The following ZMYND11 variants were observed in gnomAD, a reference collection of about 807,000 sequenced individuals.
ZMYND11 encodes the protein zinc finger MYND-type containing 11.
A neutral mutation model predicts 84.9 loss-of-function variants in ZMYND11; 9 were observed. The observed-to-expected ratio is 0.11, with a 90% CI of 0.06 to 0.18. The LOEUF is 0.18. ZMYND11 is among the 10% of genes least tolerant of loss of function. The probability of loss-of-function intolerance (pLI) is 1.00; values close to 1 mark genes in which losing one functional copy is unlikely to be tolerated. For missense variants in ZMYND11, 409 were observed against 761.0 expected (o/e 0.54, Z 5.44); for synonymous variants, 250 against 244.1 (o/e 1.02, Z -0.23).
At chr10:141,113 A>G (rs1554753866) in intron 1 of ZMYND11, among the ~76,000 whole-genome samples, 1 of 152,208 alleles carries the variant, frequency 6.6e-6, no homozygotes, top group East Asian at 1.9e-4. Context: ...CTGTAAACTT[A>G]ATATTTAGGT....
At chr10:158,053 C>T (rs1242793676) in intron 1 of ZMYND11, among the ~76,000 whole-genome samples, 3 of 152,236 alleles carry the variant, frequency 2.0e-5, no homozygotes, top group Admixed American at 6.5e-5. Context: ...TTCCTTTTTC[C>T]GGCCAAATAA....
chr10:203,011 A>G (rs1943506552), intron 2 of ZMYND11, among the ~76,000 whole-genome samples: 1 of 152,190 alleles, frequency 6.6e-6, no homozygotes, highest in South Asian at 2.1e-4. Flanking sequence ...AATGTCCTCA[A>G]TAAAAGTTAT....
chr10:168,066 C>T (rs907899509), intron 1 of ZMYND11, among the ~76,000 whole-genome samples: 3 of 151,986 alleles, frequency 2.0e-5, no homozygotes, highest in African/African-American at 7.3e-5. Flanking sequence ...ATTTATTTAG[C>T]ATCTACTTTA....
At chr10:168,124 T>G (rs1223946589) in intron 1 of ZMYND11, among the ~76,000 whole-genome samples, 1 of 152,150 alleles carries the variant, frequency 6.6e-6, no homozygotes, top group Non-Finnish European at 1.5e-5. Flanking sequence ...TATGGGATGC[T>G]TTAAAAAACT....
chr10:221,513 A>C (rs187582444), intron 4 of ZMYND11, among the ~76,000 whole-genome samples, 157 bp downstream of exon 4: 1 of 152,216 alleles, frequency 6.6e-6, no homozygotes, highest in Admixed American at 6.5e-5. Context: ...AATGGACATC[A>C]CAGAACACAT....
At chr10:245,844 G>T (rs2131898899) in intron 10 of ZMYND11, among the ~76,000 whole-genome samples, 1 of 152,314 alleles carries the variant, frequency 6.6e-6, no homozygotes, top group African/African-American at 2.4e-5. Flanking sequence ...AGGCAGTGTA[G>T]GAAGTGCCAT....
rs146449717 is a variant in ZMYND11 at position 189,435 on chromosome 10, A to G, written c.116+9307A>G. Among the ~76,000 whole-genome samples, 10 of 152,344 alleles carry G rather than the reference A, an allele frequency of 6.6e-5. No homozygotes were observed. In the East Asian group the frequency reaches 1.9e-3, roughly 29 times the overall value. The stretch of plus-strand genomic sequence containing the variant: ...TCTTTGGAAATAAGTTCATTAAAAA[A>G]CAACTGATTAGTATTATACTGTTTA... On this transcript the variant is annotated intron_variant, in intron 2 of 14. Transcript: ENST00000381604.
chr10:248,842 A>G, intron 13 of ZMYND11, 61 bp from the exon 14 acceptor site: 2 of 1,542,812 alleles, frequency 1.3e-6, no homozygotes, highest in Non-Finnish European at 1.8e-6. Context: ...TTTCTGTTCC[A>G]GTGTAGATGG....
At chr10:197,230 G>C (rs979207129) in intron 2 of ZMYND11, among the ~76,000 whole-genome samples, 5 of 149,470 alleles carry the variant, frequency 3.3e-5, no homozygotes, top group African/African-American at 1.2e-4. Flanking sequence ...TCATGTATGT[G>C]TATCAATACA....
chr10:235,798 TAAATG>T, intron 4 of ZMYND11, among the ~76,000 whole-genome samples: 1 of 152,356 alleles, frequency 6.6e-6, no homozygotes, highest in South Asian at 2.1e-4. Flanking sequence ...AGACATGAGG[TAAATG>T]AAATTCAGTT....
At chr10:197,703 A>G (rs569649572) in intron 2 of ZMYND11, among the ~76,000 whole-genome samples, 3 of 152,284 alleles carry the variant, frequency 2.0e-5, no homozygotes, top group African/African-American at 4.8e-5. Flanking sequence ...AAAGTTAACC[A>G]TTGTCTAAGT....
chr10:195,280 GA>G (rs1588850526), intron 2 of ZMYND11, among the ~76,000 whole-genome samples: 2 of 152,024 alleles, frequency 1.3e-5, no homozygotes, highest in South Asian at 4.2e-4. Context: ...ACGTCAGGCA[GA>G]AAAAAATGAT....
At chr10:151,009 G>T (rs528548477) in intron 1 of ZMYND11, among the ~76,000 whole-genome samples, 28 of 152,280 alleles carry the variant, frequency 1.8e-4, no homozygotes, top group African/African-American at 6.7e-4. Context: ...TGAGGGTCCT[G>T]ACCGTTAGAA....
chr10:241,334 C>T (rs754475332), intron 9 of ZMYND11, among the ~76,000 whole-genome samples: 30 of 152,136 alleles, frequency 2.0e-4, no homozygotes, highest in Non-Finnish European at 3.8e-4. Context: ...CACGCCACCA[C>T]ACCTGGCTAA....
intron 1 of ZMYND11, among the ~76,000 whole-genome samples, chr10:138,375 C>T (rs1441208663): frequency 2.0e-5 from 3 of 152,018 alleles, no homozygotes; most frequent in Admixed American, 6.6e-5. Flanking sequence ...CCTTGGCCTC[C>T]CAAAGTGCTG....
At chr10:165,432 C>T (rs1363336420) in intron 1 of ZMYND11, among the ~76,000 whole-genome samples, 2 of 152,086 alleles carry the variant, frequency 1.3e-5, no homozygotes, top group Non-Finnish European at 2.9e-5. Flanking sequence ...AAATCTTCAG[C>T]ATATATCCCC....
chr10:176,856 T>C (rs782250310), intron 1 of ZMYND11, among the ~76,000 whole-genome samples: 5 of 151,894 alleles, frequency 3.3e-5, no homozygotes, highest in Non-Finnish European at 2.9e-5. Context: ...AACAAAGAGA[T>C]GGAGGTGTGA....
chr10:150,703 A>G (rs1554756765), intron 1 of ZMYND11, among the ~76,000 whole-genome samples: 1 of 152,186 alleles, frequency 6.6e-6, no homozygotes, highest in East Asian at 1.9e-4. Flanking sequence ...CTGCACACTT[A>G]AATGTCCCTG....
At chr10:245,007 T>C (rs1951831561) in intron 10 of ZMYND11, among the ~76,000 whole-genome samples, 1 of 152,224 alleles carries the variant, frequency 6.6e-6, no homozygotes, top group Non-Finnish European at 1.5e-5. Flanking sequence ...CAAACCACTT[T>C]TATTGAATTC....
Sources: allele counts gnomAD v4.1 joint callset (sites outside exome capture counted in the v4.1 genomes callset), GRCh38; gene constraint gnomAD v4.1.1; transcripts MANE v1.5; gene names NCBI Gene and HGNC (gene_info 2026-07-23, HGNC 2026-07-21).